Variants in SLC25A18 observed in about 807,000 individuals in gnomAD.
The protein encoded by SLC25A18 is mitochondrial glutamate carrier 2.
SLC25A18 carries 24 observed loss-of-function variants against 31.1 expected under a neutral mutation model. The ratio of observed to expected loss-of-function variants is 0.77; its 90% CI spans 0.56 to 1.08. The LOEUF (loss-of-function observed/expected upper bound fraction) is 1.08, where lower values mean the gene tolerates loss of function less well. SLC25A18 is among the 50% of genes least tolerant of loss of function. SLC25A18 has a pLI of 0.00. For missense variants in SLC25A18, 371 were observed against 418.5 expected (o/e 0.89, Z 0.99); for synonymous variants, 173 against 161.9 (o/e 1.07, Z -0.52).
At chr22:17,582,675 T>C in intron 6 of SLC25A18, 22 bp downstream of exon 6, 1 of 1,581,356 alleles carries the variant, frequency 6.3e-7, no homozygotes, top group Non-Finnish European at 8.6e-7. Flanking sequence ...TGGGGTGGGG[T>C]TGGATCCTTC....
At chr22:17,583,332 A>T in intron 6 of SLC25A18, 84 bp from the exon 7 acceptor site, 2 of 1,563,706 alleles carry the variant, frequency 1.3e-6, no homozygotes, top group Non-Finnish European at 1.7e-6. Context: ...CCATCCAGGG[A>T]AAGTCCCCCT....
chr22:17,574,598 T>G (rs370002881), intron 2 of SLC25A18, among the ~76,000 whole-genome samples: 8 of 142,308 alleles, frequency 5.6e-5, no homozygotes, highest in African/African-American at 1.6e-4. Flanking sequence ...CTCACTGCAA[T>G]CACCACCTCC....
chr22:17,566,449 G>C (rs1336922971), intron 1 of SLC25A18, among the ~76,000 whole-genome samples: 2 of 150,378 alleles, frequency 1.3e-5, no homozygotes, highest in Non-Finnish European at 2.9e-5. Context: ...CCTCGCTCTT[G>C]TTGCCCAAGC....
At chr22:17,585,652 T>TATTA (rs1460757139) in intron 7 of SLC25A18, among the ~76,000 whole-genome samples, 7 of 121,172 alleles carry the variant, frequency 5.8e-5, no homozygotes, top group African/African-American at 2.5e-4. Flanking sequence ...TTATTATTAT[T>TATTA]TTTTTTTTTT....
chr22:17,580,999 T>TC (rs1401823325), intron 3 of SLC25A18, 38 bp from the exon 4 acceptor site: 2 of 1,516,022 alleles, frequency 1.3e-6, no homozygotes, highest in East Asian at 4.9e-5. Context: ...TGCCCCTCCC[T>TC]CTGCCTCTCT....
At position 17,563,718 on chromosome 22, in the gene SLC25A18, GTATT is replaced by G. The variant is rs1172946172; in HGVS notation, c.-264+10_-264+13del. 6.1e-6 allele frequency: 6 copies of G among 985,200 alleles called. No individual in the cohort carries two copies. Among genetic ancestry groups the G allele is most frequent in the South Asian group, 4.7e-5 (1 of 21,282 alleles). The allele number at this position is 985,200 out of a possible 1,614,324, so 61.0% of individuals were successfully genotyped here. A position where few individuals can be genotyped will look rare whatever the true frequency, so the allele number is the denominator to read the frequency against. On this transcript the variant is annotated splice_donor_region_variant and intron_variant, in intron 1 of 10. Coordinates refer to ENST00000327451, the MANE Select transcript of SLC25A18 (RefSeq NM_031481.3). ...TCGCTTGCAGGCAAGTTGTCAGTAA[GTATT>G]TATTAAATACCCACCGTGAGCCTTG...
intron 2 of SLC25A18, among the ~76,000 whole-genome samples, chr22:17,578,183 C>G (rs2057282408): frequency 6.6e-6 from 1 of 152,030 alleles, no homozygotes; most frequent in Non-Finnish European, 1.5e-5. Flanking sequence ...GTTGCCCAGG[C>G]TGGTCTTGAA....
intron 2 of SLC25A18, among the ~76,000 whole-genome samples, chr22:17,573,401 C>G (rs971932393): frequency 6.6e-6 from 1 of 152,108 alleles, no homozygotes; most frequent in African/African-American, 2.4e-5. Context: ...GCTTCTGACT[C>G]TACACCAGAA....
chr22:17,590,354 T>G lies in SLC25A18; in HGVS notation c.*118T>G, dbSNP rs1195280158. 1 of 1,240,468 alleles carries G rather than the reference T, an allele frequency of 8.1e-7. No homozygotes were observed. Among genetic ancestry groups the G allele is most frequent in the African/African-American group, 1.5e-5 (1 of 66,342 alleles). 76.8% of individuals were successfully genotyped at this position (1,240,468 alleles called of 1,614,324 possible). A position where few individuals can be genotyped will look rare whatever the true frequency, so the allele number is the denominator to read the frequency against. On this transcript the variant is annotated 3_prime_UTR_variant, in exon 11 of 11. Coordinates refer to ENST00000327451, the MANE Select transcript of SLC25A18 (RefSeq NM_031481.3). ...GCCTGCCTGGTCCTCTGCGTTGTAG[T>G]GCTACCTCAATCTCGGGAGAAACAG...
chr22:17,582,040 C>T (rs1365939179), intron 5 of SLC25A18: 1 of 153,456 alleles, frequency 6.5e-6, no homozygotes, highest in East Asian at 1.9e-4. Context: ...TTCCTGATAA[C>T]CAAACTGAGG....
chr22:17,578,601 A>C (rs553782394), intron 2 of SLC25A18, among the ~76,000 whole-genome samples: 128 of 152,318 alleles, frequency 8.4e-4, no homozygotes, highest in African/African-American at 2.9e-3. Flanking sequence ...GAGCGTCCGG[A>C]GAGCTGCTCC....
At chr22:17,589,534 G>T in intron 9 of SLC25A18, 56 bp from the exon 10 acceptor site, 1 of 1,533,212 alleles carries the variant, frequency 6.5e-7, no homozygotes, top group East Asian at 2.3e-5. Flanking sequence ...TAGTGTTGAG[G>T]GGAGGACACC....
At chr22:17,578,354 A>G (rs1393650405) in intron 2 of SLC25A18, among the ~76,000 whole-genome samples, 1 of 152,206 alleles carries the variant, frequency 6.6e-6, no homozygotes, top group Non-Finnish European at 1.5e-5. Context: ...CACTCAGCAA[A>G]TGTCTTCCTG....
intron 1 of SLC25A18, among the ~76,000 whole-genome samples, chr22:17,563,935 C>G (rs908593099): frequency 1.3e-5 from 2 of 152,168 alleles, no homozygotes; most frequent in African/African-American, 2.4e-5. Context: ...CCCTGCCATG[C>G]AATCGTACCG....
chr22:17,581,907 G>A (rs1481712729), intron 5 of SLC25A18: 4 of 163,762 alleles, frequency 2.4e-5, no homozygotes, highest in Admixed American at 1.7e-4. Flanking sequence ...CGAGCTAGCA[G>A]CCAATGGGAC....
At chr22:17,579,628 C>A in intron 2 of SLC25A18, 117 bp from the exon 3 acceptor site, 1 of 803,730 alleles carries the variant, frequency 1.2e-6, no homozygotes, top group Non-Finnish European at 1.6e-6. Context: ...GATTTGAATC[C>A]CAAAGTCCAA....
chr22:17,582,871 T>C (rs118170878), intron 6 of SLC25A18, among the ~76,000 whole-genome samples: 2 of 152,182 alleles, frequency 1.3e-5, no homozygotes, highest in East Asian at 3.9e-4. Context: ...AGAGAACATA[T>C]AGCATATACA....
intron 2 of SLC25A18, among the ~76,000 whole-genome samples, chr22:17,573,239 A>G (rs1309651098): frequency 1.3e-5 from 2 of 152,218 alleles, no homozygotes; most frequent in African/African-American, 4.8e-5. Context: ...TTTTCTAGCA[A>G]AACAGACAGG....
intron 2 of SLC25A18, among the ~76,000 whole-genome samples, chr22:17,578,610 C>T (rs12159754): frequency 6.6e-6 from 1 of 152,172 alleles, no homozygotes; most frequent in African/African-American, 2.4e-5. Flanking sequence ...GAGAGCTGCT[C>T]CTGACACCAC....
Sources: allele counts gnomAD v4.1 joint callset (sites outside exome capture counted in the v4.1 genomes callset), GRCh38; gene constraint gnomAD v4.1.1; transcripts MANE v1.5; gene names NCBI Gene and HGNC (gene_info 2026-07-23, HGNC 2026-07-21).